HLA-DQB2: variants seen among roughly 807,000 people sequenced by gnomAD.
The protein encoded by HLA-DQB2 is major histocompatibility complex, class II, DQ beta 2.
A neutral mutation model predicts 29.2 loss-of-function variants in HLA-DQB2; 24 were observed. That is an observed-to-expected ratio of 0.82 (90% CI 0.60 to 1.16). The LOEUF is 1.16. Ranked by LOEUF, HLA-DQB2 falls within the 50% of genes most tolerant of loss-of-function variation. The pLI is 0.00. For synonymous variants in HLA-DQB2, 104 were observed against 133.1 expected (o/e 0.78, Z 1.51); for missense variants, 273 against 343.6 (o/e 0.79, Z 1.62).
At chr6:32,756,813 G>A (rs1169967411) in intron 5 of HLA-DQB2, 10 of 1,206,236 alleles carry the variant, frequency 8.3e-6, no homozygotes, top group African/African-American at 3.1e-5. Context: ...GTGGCACAAA[G>A]TGGGCATCAC....
At chr6:32,757,041 A>G in intron 5 of HLA-DQB2, 1 of 1,268,878 alleles carries the variant, frequency 7.9e-7, no homozygotes, top group Non-Finnish European at 1.0e-6. Flanking sequence ...TTTTTTTGAG[A>G]CAGACTCTAG....
At chr6:32,761,312 A>G (rs936795782) in intron 2 of HLA-DQB2, among the ~76,000 whole-genome samples, 1 of 148,840 alleles carries the variant, frequency 6.7e-6, no homozygotes, top group Non-Finnish European at 1.5e-5. Context: ...GCATTCGGGC[A>G]GAAAGAACTG....
At chr6:32,759,800 C>T (rs1296594381) in intron 2 of HLA-DQB2, among the ~76,000 whole-genome samples, 1 of 152,234 alleles carries the variant, frequency 6.6e-6, no homozygotes, top group Non-Finnish European at 1.5e-5. Flanking sequence ...ATTCTGAGAT[C>T]CATGCAGAGG....
rs1764411705 is a variant in HLA-DQB2, at chr6:32,757,847, C to T, written c.683G>A (p.Ser228Asn). ...CCCCAGCACGAAGCCTCCAATGCCA[C>T]TCAGCATCTTGCTCTGGGCAGATTC... is the stretch of plus-strand genomic sequence containing the variant. ...QSESAQSKMLSGIGGFVLGLI... is the reference protein window; with the variant it reads ...QSESAQSKMLNGIGGFVLGLI... Residue 228 changes from serine to asparagine, a missense_variant, in exon 4 of 6, where the codon AGT (serine) becomes AAT (asparagine). Transcript: ENST00000437316. 2.5e-6 allele frequency: 4 copies of T among 1,613,938 alleles called. No individual in the cohort carries two copies. Among genetic ancestry groups the T allele is most frequent in the Non-Finnish European group, 3.4e-6 (4 of 1,179,892 alleles).
chr6:32,761,769 G>C lies in HLA-DQB2; in HGVS notation c.255C>G (p.Ile85Met), dbSNP rs774012292. 1 of 1,574,708 alleles carries C rather than the reference G, an allele frequency of 6.4e-7. No individual in the cohort carries two copies. The highest frequency in any genetic ancestry group is 8.6e-7 in the Non-Finnish European group (1 of 1,160,456). The change falls in exon 2 of 6, where the codon ATC becomes ATG. Residue 85 changes from isoleucine to methionine, a missense_variant. Transcript: ENST00000437316. ...FQAVTELGRS[I>M]EDWNNYKDFL... ...AGTCCTTATAGTTGTTCCAGTCCTC[G>C]ATGCTCCGCCCCAGCTCGGTCACCG... is the stretch of plus-strand genomic sequence containing the variant.
chr6:32,757,261 G>A lies in HLA-DQB2; in HGVS notation c.781+20C>T. ...ATGCCTGTGCCCTCTCCCCTGACTG[G>A]ATCATGGCTGAAATATTACCTGCTG... is the stretch of plus-strand genomic sequence containing the variant. On this transcript the variant is annotated intron_variant, in intron 5 of 5. Coordinates refer to ENST00000437316, the MANE Select transcript of HLA-DQB2 (RefSeq NM_001300790.2). The A allele has an allele frequency of 4.5e-6, 7 of 1,550,382 alleles. No individual in the cohort carries two copies. The highest frequency in any genetic ancestry group is 1.4e-5 in the African/African-American group (1 of 73,088).
chr6:32,757,664 A>T, intron 4 of HLA-DQB2, 109 bp downstream of exon 4: 2 of 821,670 alleles, frequency 2.4e-6, no homozygotes, highest in Non-Finnish European at 3.7e-6. Context: ...GTCTCCTCGC[A>T]CTTCCTCTCA....
intron 2 of HLA-DQB2, among the ~76,000 whole-genome samples, chr6:32,759,927 T>A (rs1443293015): frequency 0.03 from 2,766 of 91,602 alleles, no homozygotes; most frequent in Middle Eastern, 0.086. Context: ...GGAAGGAATC[T>A]TGGTTTCTGC....
chr6:32,761,769 G>A lies in HLA-DQB2; in HGVS notation c.255C>T (p.Ile85=), dbSNP rs774012292. ...FQAVTELGRS[I]EDWNNYKDFL... ...AGTCCTTATAGTTGTTCCAGTCCTC[G>A]ATGCTCCGCCCCAGCTCGGTCACCG... Residue 85 remains isoleucine, a synonymous_variant, in exon 2 of 6, where the codon ATC becomes ATT. Transcript: ENST00000437316. The A allele has an allele frequency of 1.3e-6, 2 of 1,574,708 alleles. No homozygotes were observed. The highest frequency in any genetic ancestry group is 1.2e-5 in the South Asian group (1 of 86,058).
chr6:32,759,186 G>A (rs1230060169), intron 2 of HLA-DQB2, 55 bp from the exon 3 acceptor site: 4 of 1,567,334 alleles, frequency 2.6e-6, no homozygotes, highest in African/African-American at 2.7e-5. Flanking sequence ...AGACCACACA[G>A]CACGCCTGCT....
At chr6:32,759,870 G>T (rs1764626811) in intron 2 of HLA-DQB2, among the ~76,000 whole-genome samples, 1 of 152,210 alleles carries the variant, frequency 6.6e-6, no homozygotes, top group Non-Finnish European at 1.5e-5. Context: ...ATTTGCTGAG[G>T]TCAGCAGGTA....
In HLA-DQB2 at chr6:32,756,226, G is replaced by T; in HGVS notation, c.*227C>A. ...AGAGATGCCCCTTGGGGCCTGAGTA[G>T]ACACAGCTTGCAGTGCACAGGCAGA... On this transcript the variant is annotated 3_prime_UTR_variant, in exon 6 of 6. Coordinates refer to ENST00000437316, the MANE Select transcript of HLA-DQB2 (RefSeq NM_001300790.2). 2 of 556,100 alleles carry T rather than the reference G, an allele frequency of 3.6e-6. No homozygotes were observed. 34.4% of individuals were successfully genotyped at this position (556,100 alleles called of 1,614,324 possible).
intron 5 of HLA-DQB2, chr6:32,756,738 T>G: frequency 7.7e-7 from 1 of 1,300,724 alleles, no homozygotes; most frequent in Non-Finnish European, 9.7e-7. Flanking sequence ...GGGTGACACT[T>G]CATCTCCACC....
chr6:32,758,523 C>T, intron 3 of HLA-DQB2, among the ~76,000 whole-genome samples: 1 of 152,204 alleles, frequency 6.6e-6, no homozygotes, highest in East Asian at 1.9e-4. Context: ...TTATAAATTA[C>T]CCATTCTCAG....
Position 32,756,370 on chromosome 6 carries a change from C to T in HLA-DQB2, c.*83G>A. The T allele has an allele frequency of 1.1e-6, 1 of 874,738 alleles. No homozygotes were observed. Among genetic ancestry groups the T allele is most frequent in the Admixed American group, 1.9e-5 (1 of 51,680 alleles). 54.2% of individuals were successfully genotyped at this position (874,738 alleles called of 1,614,324 possible). ...CTCTGACCTCAGTGGGACAGGGTGA[C>T]ACAGGCAGCTAGGAATTCTGGGCAG... On this transcript the variant is annotated 3_prime_UTR_variant, in exon 6 of 6. Coordinates refer to ENST00000437316, the MANE Select transcript of HLA-DQB2 (RefSeq NM_001300790.2).
chr6:32,759,472 C>A (rs1764586642), intron 2 of HLA-DQB2, among the ~76,000 whole-genome samples: 1 of 152,100 alleles, frequency 6.6e-6, no homozygotes, highest in Non-Finnish European at 1.5e-5. Flanking sequence ...AACTCAATTC[C>A]TTTATCTTCT....
chr6:32,757,493 C>G (rs1163904834), intron 4 of HLA-DQB2, among the ~76,000 whole-genome samples, 189 bp from the exon 5 acceptor site: 2 of 152,114 alleles, frequency 1.3e-5, no homozygotes, highest in Non-Finnish European at 2.9e-5. Flanking sequence ...ACAAGGAGGC[C>G]GAGGCTCTGA....
rs115899517 is a variant in HLA-DQB2 at position 32,757,886 on chromosome 6, A to G, written c.647-3T>C. The G allele has an allele frequency of 0.081, 99,700 of 1,231,240 alleles. No homozygotes were observed. The highest frequency in any genetic ancestry group is 0.096 in the South Asian group (7,110 of 73,984). 76.3% of individuals were successfully genotyped at this position (1,231,240 alleles called of 1,614,324 possible). ...CTGGGCAGATTCAGACTGAGCCCCT[A>G]AGGAGCAGAACTGAGTGTGAGTGTT... On this transcript the variant is annotated splice_polypyrimidine_tract_variant and splice_region_variant and intron_variant, in intron 3 of 5. Coordinates refer to ENST00000437316, the MANE Select transcript of HLA-DQB2 (RefSeq NM_001300790.2).
intron 1 of HLA-DQB2, among the ~76,000 whole-genome samples, chr6:32,762,580 G>A (rs1363847115): frequency 7.7e-6 from 1 of 130,040 alleles, no homozygotes; most frequent in Non-Finnish European, 1.7e-5. Flanking sequence ...GAATTCTATA[G>A]GGTCCAATTA....
Sources: gnomAD v4.1 joint callset for allele counts (sites outside exome capture counted in the v4.1 genomes callset) on GRCh38, gnomAD v4.1.1 for gene constraint, MANE v1.5 for transcripts, NCBI Gene and HGNC (gene_info 2026-07-23, HGNC 2026-07-21) for gene names.